The following ENTPD2 variants were observed in gnomAD, a reference collection of about 807,000 sequenced individuals.
The protein encoded by ENTPD2 is CD39 antigen-like 1.
ENTPD2 carries 48 observed loss-of-function variants against 46.8 expected under a neutral mutation model. That is an observed-to-expected ratio of 1.03 (90% confidence interval 0.81 to 1.30). The LOEUF is 1.30. ENTPD2 is among the 50% of genes most tolerant of loss of function. ENTPD2 has a pLI of 0.00. For synonymous variants in ENTPD2, 316 were observed against 286.1 expected (o/e 1.10, Z -1.06); for missense variants, 707 against 651.1 (o/e 1.09, Z -0.93).
At chr9:137,049,727 C>T in intron 7 of ENTPD2, 143 bp downstream of exon 7, 1 of 984,366 alleles carries the variant, frequency 1.0e-6, no homozygotes, top group Non-Finnish European at 1.5e-6. Flanking sequence ...AGCCACGCCA[C>T]CTCTGGAGTC....
rs139779693 is a variant in ENTPD2, at chr9:137,052,274, G to A, written c.192C>T (p.Asn64=). The change falls in exon 2 of 9, where the codon AAC becomes AAT. Residue 64 remains asparagine, a synonymous_variant. Transcript: ENST00000355097. Reference sequence around the variant, plus strand: ...TGTGCTGGCCCACAATGCCTGTGTCGTTCTCCTTGTCTGCCGGCCACTTGT... The same window carrying A: ...TGTGCTGGCCCACAATGCCTGTGTCATTCTCCTTGTCTGCCGGCCACTTGT... ...FIYKWPADKE[N]DTGIVGQHSS... is the part of the protein sequence containing the mutation. The A allele has an allele frequency of 5.0e-5, 80 of 1,610,738 alleles. No individual in the cohort carries two copies. The highest frequency in any genetic ancestry group is 1.1e-4 in the African/African-American group (8 of 74,712).
Position 137,053,889 on chromosome 9 carries a change from C to T in ENTPD2, c.109G>A (p.Ala37Thr), listed in dbSNP as rs932305314. The T allele has an allele frequency of 8.2e-7, 1 of 1,224,772 alleles. No homozygotes were observed. 75.9% of individuals were successfully genotyped at this position (1,224,772 alleles called of 1,614,324 possible). The change falls in exon 1 of 9, where the codon GCC becomes ACC. Residue 37 changes from alanine (A) to threonine (T), a missense_variant. Physicochemically the swap from Ala to Thr is moderately conservative, Grantham distance 58. Coordinates refer to ENST00000355097, the MANE Select transcript of ENTPD2 (RefSeq NM_203468.3). Reference protein sequence around the residue: ...VPTRDVREPPALKYGIVLDAG... With the variant: ...VPTRDVREPPTLKYGIVLDAG... ...GGTGCCCGGGCGCGCACCTTGAGGG[C>T]GGGCGGCTCCCGGACGTCGCGGGTG...
intron 5 of ENTPD2, 124 bp from the exon 6 acceptor site, chr9:137,050,662 C>T (rs1832266132): frequency 2.1e-6 from 3 of 1,425,456 alleles, no homozygotes; most frequent in Non-Finnish European, 2.8e-6. Flanking sequence ...CCATGGCTCC[C>T]CACTGCCTGC....
Position 137,048,556 on chromosome 9 carries a change from G to T in ENTPD2, c.*101C>A. The T allele has an allele frequency of 3.2e-6, 3 of 952,022 alleles. No individual in the cohort carries two copies. Among genetic ancestry groups the T allele is most frequent in the Non-Finnish European group, 4.5e-6 (3 of 668,728 alleles). 59.0% of individuals were successfully genotyped at this position (952,022 alleles called of 1,614,324 possible). A position where few individuals can be genotyped will look rare whatever the true frequency, so the allele number is the denominator to read the frequency against. On this transcript the variant is annotated 3_prime_UTR_variant, in exon 9 of 9. Coordinates refer to ENST00000355097, the MANE Select transcript of ENTPD2 (RefSeq NM_203468.3). ...GGGAGAGGGGTGGGTGGAGGGGTGG[G>T]GATACAGGGGTGGGAGGTACAGGGG...
intron 2 of ENTPD2, 75 bp downstream of exon 2, chr9:137,052,156 A>G (rs889224773): frequency 7.4e-7 from 1 of 1,352,768 alleles, no homozygotes; most frequent in Non-Finnish European, 1.0e-6. Flanking sequence ...AAGGACCTGC[A>G]CTGGCTAAGG....
chr9:137,051,161 G>T, intron 4 of ENTPD2, 32 bp from the exon 5 acceptor site: 1 of 1,611,920 alleles, frequency 6.2e-7, no homozygotes, highest in Non-Finnish European at 8.5e-7. Flanking sequence ...GTCAACCAGG[G>T]GCCGAGGGCG....
chr9:137,052,434 T>A, intron 1 of ENTPD2, 86 bp from the exon 2 acceptor site: 1 of 1,040,594 alleles, frequency 9.6e-7, no homozygotes, highest in Non-Finnish European at 1.4e-6. Flanking sequence ...TTCCTCCAGT[T>A]TGCCACCGCT....
intron 1 of ENTPD2, chr9:137,052,739 C>G (rs1832325697): frequency 6.4e-6 from 1 of 155,798 alleles, no homozygotes; most frequent in Non-Finnish European, 1.4e-5. Flanking sequence ...TCCCTAGAGT[C>G]CCTCTTCCTT....
Position 137,048,500 on chromosome 9 carries a change from A to C in ENTPD2, c.*157T>G. 1.8e-6 allele frequency: 1 copy of C among 547,480 alleles called. No homozygotes were observed. Among genetic ancestry groups the C allele is most frequent in the Non-Finnish European group, 3.2e-6 (1 of 314,912 alleles). 33.9% of individuals were successfully genotyped at this position (547,480 alleles called of 1,614,324 possible). A position where few individuals can be genotyped will look rare whatever the true frequency, so the allele number is the denominator to read the frequency against. ...GTGGGGGATAGAGGGTGGGTGGAGG[A>C]ATGCAGGATACAGGGGCGGGGAGAG... is the stretch of plus-strand genomic sequence containing the variant. On this transcript the variant is annotated 3_prime_UTR_variant, in exon 9 of 9. Transcript: ENST00000355097.
Position 137,051,576 on chromosome 9 carries a change from A to G in ENTPD2, c.320T>C (p.Val107Ala). Reference sequence around the variant, plus strand: ...TGTGCCCGCGTGTCTCTCTTTGGGCACATCCTGAAGCGCCTGTTCGAGGCA... The same window carrying G: ...TGTGCCCGCGTGTCTCTCTTTGGGCGCATCCTGAAGCGCCTGTTCGAGGCA... ...VGCLEQALQD[V>A]PKERHAGTPL... Residue 107 changes from valine to alanine, a missense_variant, in exon 3 of 9, where the codon GTG becomes GCG. Val to Ala is a moderately conservative substitution (Grantham distance 64). Coordinates refer to ENST00000355097, the MANE Select transcript of ENTPD2 (RefSeq NM_203468.3). The G allele has an allele frequency of 1.2e-6, 2 of 1,612,774 alleles. No homozygotes were observed. The highest frequency in any genetic ancestry group is 2.2e-5 in the East Asian group (1 of 44,880).
chr9:137,052,867 C>T (rs1305178989), intron 1 of ENTPD2: 1 of 153,450 alleles, frequency 6.5e-6, no homozygotes, highest in African/African-American at 2.4e-5. Context: ...CCGTGGGCCT[C>T]AGAGCCAGGT....
intron 1 of ENTPD2, among the ~76,000 whole-genome samples, chr9:137,053,584 C>T (rs980581339): frequency 2.6e-5 from 4 of 152,226 alleles, no homozygotes; most frequent in Non-Finnish European, 5.9e-5. Context: ...TGGGCTATCC[C>T]GGGAGCGGGG....
In ENTPD2 at chr9:137,049,981, A is replaced by G. The variant is rs764631893; in HGVS notation, c.1038T>C (p.Ser346=). ...PPVAGNFVAF[S]AFFYTVDFLR... ...AAAAGTCCACAGTGTAGAAGAAGGC[A>G]GAGAAGGCCTGTAGGGGGCGCAGTC... The change falls in exon 7 of 9, where the codon TCT becomes TCC. Residue 346 remains serine (S), a synonymous_variant. Transcript: ENST00000355097. 3.1e-6 allele frequency: 5 copies of G among 1,611,894 alleles called. No homozygotes were observed. The highest frequency in any genetic ancestry group is 1.3e-5 in the African/African-American group (1 of 74,772).
chr9:137,049,419 T>G, intron 7 of ENTPD2: 1 of 551,720 alleles, frequency 1.8e-6, no homozygotes, highest in Non-Finnish European at 3.3e-6. Context: ...GCTCGCCGCC[T>G]GTCCCCACCT....
At position 137,052,330 on chromosome 9, in the gene ENTPD2, C is replaced by T. The variant is rs559838122; in HGVS notation, c.136G>A (p.Ala46Thr). 11 of 1,603,072 alleles carry T rather than the reference C, an allele frequency of 6.9e-6. No homozygotes were observed. The highest frequency in any genetic ancestry group is 2.3e-5 in the East Asian group (1 of 44,430). ...PALKYGIVLD[A>T]GSSHTSMFIY... ...AACATGGACGTGTGTGAAGAACCAGCGTCCAGGACGATGCCATACTGCGGG... is the reference window on the plus strand; with the variant it reads ...AACATGGACGTGTGTGAAGAACCAGTGTCCAGGACGATGCCATACTGCGGG... Residue 46 changes from alanine to threonine, a missense_variant, in exon 2 of 9, where the codon GCT (alanine) becomes ACT (threonine). Coordinates refer to ENST00000355097, the MANE Select transcript of ENTPD2 (RefSeq NM_203468.3).
chr9:137,049,464 G>C (rs1324254085), intron 7 of ENTPD2: 4 of 472,786 alleles, frequency 8.5e-6, no homozygotes, highest in Non-Finnish European at 1.5e-5. Context: ...TAGGCCCTGG[G>C]AGGACAAAAT....
At position 137,048,654 on chromosome 9, in the gene ENTPD2, C is replaced by A. The variant is rs747001240; in HGVS notation, c.*3G>T. 3.8e-6 allele frequency: 6 copies of A among 1,577,052 alleles called. No homozygotes were observed. The highest frequency in any genetic ancestry group is 1.8e-5 in the Admixed American group (1 of 54,974). ...GGGATGGGGCAGCTGCCCCCGTCGG[C>A]CCCTAAATGGTGCTTGGCAGCTTGG... is the stretch of plus-strand genomic sequence containing the variant. On this transcript the variant is annotated 3_prime_UTR_variant, in exon 9 of 9. Transcript: ENST00000355097.
At chr9:137,052,491 G>GGAGGCCAGGGCCTCCTCT (rs1832320640) in intron 1 of ENTPD2, 143 bp from the exon 2 acceptor site, 2 of 642,902 alleles carry the variant, frequency 3.1e-6, no homozygotes, top group Non-Finnish European at 2.7e-6. Context: ...GAAGCTCAGA[G>GGAGGCCAGGGCCTCCTCT]GAGGCCAGGG....
chr9:137,051,672 C>A lies in ENTPD2; in HGVS notation c.236-12G>T. 1 of 1,603,686 alleles carries A rather than the reference C, an allele frequency of 6.2e-7. No individual in the cohort carries two copies. Among genetic ancestry groups the A allele is most frequent in the South Asian group, 1.1e-5 (1 of 89,798 alleles). The stretch of plus-strand genomic sequence containing the variant: ...GGAGATGCCCCCACCTAGAGGGAGG[C>A]AGAGAGATGAGCCTATGCCTCACGG... On this transcript the variant is annotated splice_polypyrimidine_tract_variant and intron_variant, in intron 2 of 8. Coordinates refer to ENST00000355097, the MANE Select transcript of ENTPD2 (RefSeq NM_203468.3).
Sources: allele counts gnomAD v4.1 joint callset (sites outside exome capture counted in the v4.1 genomes callset), GRCh38; gene constraint gnomAD v4.1.1; transcripts MANE v1.5; gene names NCBI Gene and HGNC (gene_info 2026-07-23, HGNC 2026-07-21).